THRB: variants seen among roughly 807,000 people sequenced by gnomAD.
THRB encodes the protein nuclear receptor subfamily 1 group A member 2.
In THRB, 12 loss-of-function variants were observed where a neutral mutation model predicts 47.8. The observed-to-expected ratio is 0.25, with a 90% CI of 0.16 to 0.41. The LOEUF (loss-of-function observed/expected upper bound fraction) is 0.41, where lower values mean the gene tolerates loss of function less well. Among genes scored for constraint, THRB ranks in the 10% least tolerant of loss-of-function variants. The probability of loss-of-function intolerance (pLI) is 1.00; values close to 1 mark genes in which losing one functional copy is unlikely to be tolerated. For synonymous variants in THRB, 218 were observed against 212.2 expected (o/e 1.03, Z -0.24); for missense variants, 348 against 589.2 (o/e 0.59, Z 4.24).
chr3:24,339,115 A>G (rs2062452731), intron 1 of THRB, among the ~76,000 whole-genome samples: 1 of 152,324 alleles, frequency 6.6e-6, no homozygotes, highest in South Asian at 2.1e-4. Context: ...ATTAATATAT[A>G]AATACAAAAC....
At chr3:24,397,835 G>A (rs757693327) in intron 1 of THRB, among the ~76,000 whole-genome samples, 15 of 151,832 alleles carry the variant, frequency 9.9e-5, no homozygotes, top group African/African-American at 9.7e-5. Flanking sequence ...CACCCACCTC[G>A]GCCTTCTCAA....
chr3:24,472,429 G>T (rs549176794), intron 1 of THRB, among the ~76,000 whole-genome samples: 1 of 152,300 alleles, frequency 6.6e-6, no homozygotes, highest in South Asian at 2.1e-4. Flanking sequence ...CCCCTAAGGC[G>T]TGAAGACTCA....
At chr3:24,461,966 T>C (rs980393169) in intron 1 of THRB, among the ~76,000 whole-genome samples, 2 of 152,132 alleles carry the variant, frequency 1.3e-5, no homozygotes, top group Non-Finnish European at 2.9e-5. Context: ...TCATGATACA[T>C]TTAGTGAAAA....
At chr3:24,399,166 A>T (rs2067208897) in intron 1 of THRB, among the ~76,000 whole-genome samples, 1 of 151,866 alleles carries the variant, frequency 6.6e-6, no homozygotes, top group Admixed American at 6.6e-5. Context: ...AACATGGCAC[A>T]TGTATACATA....
Position 24,142,143 on chromosome 3 carries a change from C to T in THRB, c.738+1358G>A, listed in dbSNP as rs541173826. Among the ~76,000 whole-genome samples, 18 of 152,320 alleles carry T rather than the reference C, an allele frequency of 1.2e-4. No individual in the cohort carries two copies. In the South Asian group the frequency reaches 3.7e-3, roughly 32 times the overall value. ...ATCCCGGAGCTGGCTGCATCCATCACCACTGTTTACCAGTTGTGGGAGCTC... is the reference window on the plus strand; with the variant it reads ...ATCCCGGAGCTGGCTGCATCCATCATCACTGTTTACCAGTTGTGGGAGCTC... On this transcript the variant is annotated intron_variant, in intron 8 of 10. Coordinates refer to ENST00000646209, the MANE Select transcript of THRB (RefSeq NM_001354712.2).
intron 4 of THRB, among the ~76,000 whole-genome samples, chr3:24,208,458 G>T (rs1367898055): frequency 6.6e-6 from 1 of 152,126 alleles, no homozygotes; most frequent in African/African-American, 2.4e-5. Flanking sequence ...ATACTACAAG[G>T]CTACAGTAAC....
chr3:24,481,241 T>TG lies in THRB; in HGVS notation c.-261+13410_-261+13411insC, dbSNP rs749267139. Among the ~76,000 whole-genome samples, 1,107 of 146,318 alleles carry TG rather than the reference T, an allele frequency of 7.6e-3. 10 individuals carry two copies. The highest frequency in any genetic ancestry group is 0.012 in the Non-Finnish European group (812 of 66,786). On this transcript the variant is annotated intron_variant, in intron 1 of 10. Coordinates refer to ENST00000646209, the MANE Select transcript of THRB (RefSeq NM_001354712.2). ...TGCGTTTCTTTCTGTTTTTTTTTTT[T>TG]TTTTTTTTTTTTTTTTACGGAAAAA... is the stretch of plus-strand genomic sequence containing the variant.
intron 3 of THRB, among the ~76,000 whole-genome samples, chr3:24,251,380 A>G (rs1406674252): frequency 6.6e-6 from 1 of 152,140 alleles, no homozygotes; most frequent in Admixed American, 6.5e-5. Flanking sequence ...TCTCATGTGT[A>G]AAGATATCCC....
upstream of THRB, chr3:24,495,695 C>T (rs950429124): frequency 2.0e-5 from 3 of 152,292 alleles, no homozygotes; most frequent in Admixed American, 6.5e-5. Context: ...ACGTCTCGGC[C>T]TTCTTTGCCC....
chr3:24,176,600 T>A (rs1220557448), intron 5 of THRB, among the ~76,000 whole-genome samples: 6 of 152,152 alleles, frequency 3.9e-5, no homozygotes. Context: ...GAAAATGTTA[T>A]AAAAATAATA....
intron 2 of THRB, among the ~76,000 whole-genome samples, chr3:24,336,377 G>C: frequency 6.6e-6 from 1 of 152,214 alleles, no homozygotes. Flanking sequence ...CAGCCAGTGA[G>C]CATTTCTATA....
chr3:24,265,503 G>C (rs1394572234), intron 3 of THRB, among the ~76,000 whole-genome samples: 1 of 152,118 alleles, frequency 6.6e-6, no homozygotes, highest in African/African-American at 2.4e-5. Context: ...TATGTTCTAA[G>C]TCTAATCAGG....
chr3:24,312,359 G>T (rs2057815729), intron 2 of THRB, among the ~76,000 whole-genome samples: 1 of 152,126 alleles, frequency 6.6e-6, no homozygotes, highest in African/African-American at 2.4e-5. Flanking sequence ...CATAGCTCTT[G>T]TACCTAGCAC....
intron 2 of THRB, among the ~76,000 whole-genome samples, chr3:24,333,179 T>C (rs1369663724): frequency 2.0e-5 from 3 of 152,166 alleles, no homozygotes; most frequent in Non-Finnish European, 2.9e-5. Context: ...ACAAGCAGTT[T>C]GGTGGATGAA....
chr3:24,151,599 C>T (rs928608009), intron 6 of THRB, among the ~76,000 whole-genome samples: 1 of 152,162 alleles, frequency 6.6e-6, no homozygotes, highest in Non-Finnish European at 1.5e-5. Flanking sequence ...TGAACAGACA[C>T]GAAATACAGC....
At chr3:24,329,100 C>T (rs1366375750) in intron 2 of THRB, among the ~76,000 whole-genome samples, 2 of 152,060 alleles carry the variant, frequency 1.3e-5, no homozygotes, top group Non-Finnish European at 2.9e-5. Context: ...GCATGCACCA[C>T]CATGCCCCTC....
At chr3:24,123,382 C>T (rs1166845608) in intron 10 of THRB, among the ~76,000 whole-genome samples, 3 of 152,122 alleles carry the variant, frequency 2.0e-5, no homozygotes, top group Admixed American at 6.5e-5. Context: ...GAATTACCTT[C>T]TTGAGTGTGA....
chr3:24,368,261 A>G (rs894141950), intron 1 of THRB, among the ~76,000 whole-genome samples: 4 of 152,042 alleles, frequency 2.6e-5, no homozygotes, highest in Non-Finnish European at 4.4e-5. Flanking sequence ...CTATTACTTC[A>G]CAGCACCCTG....
At chr3:24,202,107 G>T (rs2044662720) in intron 4 of THRB, among the ~76,000 whole-genome samples, 1 of 152,142 alleles carries the variant, frequency 6.6e-6, no homozygotes, top group African/African-American at 2.4e-5. Context: ...CCCTTTATGG[G>T]AAGTCAACAC....
Sources: gnomAD v4.1 joint callset for allele counts (sites outside exome capture counted in the v4.1 genomes callset) on GRCh38, gnomAD v4.1.1 for gene constraint, MANE v1.5 for transcripts, NCBI Gene and HGNC (gene_info 2026-07-23, HGNC 2026-07-21) for gene names.